TRDN: variants seen among roughly 807,000 people sequenced by gnomAD.
TRDN encodes triadin in skeletal muscle.
Under a neutral mutation model 149.7 loss-of-function variants are expected in TRDN, and 161 were observed. That is an observed-to-expected ratio of 1.08 (90% CI 0.95 to 1.23). The LOEUF (loss-of-function observed/expected upper bound fraction) is 1.23. TRDN is among the 50% of genes most tolerant of loss of function. The probability of loss-of-function intolerance (pLI) is 0.00; values close to 1 mark genes in which losing one functional copy is unlikely to be tolerated. For synonymous variants in TRDN, 294 were observed against 250.5 expected, an observed-to-expected ratio of 1.17 and a Z score of -1.64; for missense variants, 896 against 823.5, an observed-to-expected ratio of 1.09 and a Z score of -1.08.
intron 1 of TRDN, among the ~76,000 whole-genome samples, chr6:123,594,189 A>C (rs1207493706): frequency 6.6e-6 from 1 of 152,206 alleles, no homozygotes; most frequent in Non-Finnish European, 1.5e-5. Context: ...ATTTGACCAG[A>C]AATTAAATGC....
intron 38 of TRDN, among the ~76,000 whole-genome samples, chr6:123,242,557 T>C (rs1196884820): frequency 1.3e-5 from 2 of 152,076 alleles, no homozygotes; most frequent in Non-Finnish European, 2.9e-5. Flanking sequence ...ATTCAGCTAA[T>C]ACGAGCCTCT....
At chr6:123,582,521 G>C (rs1783179550) in intron 1 of TRDN, among the ~76,000 whole-genome samples, 2 of 142,622 alleles carry the variant, frequency 1.4e-5, no homozygotes, top group African/African-American at 2.6e-5. Context: ...GCAGGCAGGA[G>C]TGGGGGGCAC....
At chr6:123,576,835 T>C (rs1447207113) in intron 1 of TRDN, among the ~76,000 whole-genome samples, 1 of 152,018 alleles carries the variant, frequency 6.6e-6, no homozygotes, top group East Asian at 1.9e-4. Context: ...GAACAGTGGA[T>C]TGAGTGAAAT....
At chr6:123,564,422 G>A (rs1473749818) in intron 2 of TRDN, among the ~76,000 whole-genome samples, 2 of 152,312 alleles carry the variant, frequency 1.3e-5, no homozygotes, top group East Asian at 1.9e-4. Flanking sequence ...GTATATGAGT[G>A]TAAAATTAAA....
intron 24 of TRDN, among the ~76,000 whole-genome samples, chr6:123,298,471 C>G (rs906439577): frequency 6.6e-6 from 1 of 152,022 alleles, no homozygotes; most frequent in Non-Finnish European, 1.5e-5. Flanking sequence ...TTTGTACTCT[C>G]AACATCTTAT....
chr6:123,585,236 A>G (rs548132837), intron 1 of TRDN, among the ~76,000 whole-genome samples: 1 of 151,658 alleles, frequency 6.6e-6, no homozygotes, highest in African/African-American at 2.4e-5. Context: ...TAGTCAGGGA[A>G]GCAGATAATT....
intron 3 of TRDN, among the ~76,000 whole-genome samples, chr6:123,548,127 T>G (rs1781209075): frequency 6.6e-6 from 1 of 151,600 alleles, no homozygotes. Flanking sequence ...AATAACTATT[T>G]TTTCCAAAGA....
At chr6:123,549,633 T>C (rs1781287816) in intron 2 of TRDN, among the ~76,000 whole-genome samples, 1 of 152,030 alleles carries the variant, frequency 6.6e-6, no homozygotes, top group Non-Finnish European at 1.5e-5. Flanking sequence ...ATTGGAAGAT[T>C]TGAGCAGAAA....
chr6:123,616,531 T>G (rs1270842145), intron 1 of TRDN, among the ~76,000 whole-genome samples: 1 of 152,204 alleles, frequency 6.6e-6, no homozygotes, highest in African/African-American at 2.4e-5. Context: ...TACTTCATAT[T>G]TATTCATATG....
At chr6:123,364,112 G>A (rs1780998793) in intron 20 of TRDN, among the ~76,000 whole-genome samples, 1 of 152,168 alleles carries the variant, frequency 6.6e-6, no homozygotes, top group African/African-American at 2.4e-5. Flanking sequence ...CTTTGCTGAA[G>A]TTTCTCTGAG....
At chr6:123,240,488 A>T (rs1374868659) in intron 38 of TRDN, among the ~76,000 whole-genome samples, 6 of 151,990 alleles carry the variant, frequency 3.9e-5, no homozygotes, top group Admixed American at 2.6e-4. Context: ...AGCCATAAAT[A>T]ACAGTTATAT....
chr6:123,578,250 T>A (rs116333525), intron 1 of TRDN, among the ~76,000 whole-genome samples: 3 of 152,082 alleles, frequency 2.0e-5, no homozygotes, highest in Non-Finnish European at 2.9e-5. Context: ...GTTTTCCAGA[T>A]TTTTTGTAGT....
chr6:123,455,492 A>C (rs1005919704), intron 10 of TRDN, among the ~76,000 whole-genome samples: 1 of 151,638 alleles, frequency 6.6e-6, no homozygotes, highest in Non-Finnish European at 1.5e-5. Flanking sequence ...AGACGGGAGA[A>C]GGAAAAGGAG....
rs537378156 is a variant in TRDN at position 123,559,281 on chromosome 6, T to C, written c.233-10669A>G. ...CCTCCATAACTGTTGTGGGTATTGA[T>C]GGCCAGGCTTCTAAACCTCTTAAAA... On this transcript the variant is annotated intron_variant, in intron 2 of 40. Coordinates refer to ENST00000334268, the MANE Select transcript of TRDN (RefSeq NM_006073.4). Among the ~76,000 whole-genome samples the C allele has an allele frequency of 3.5e-3, 531 of 152,288 alleles. 5 individuals carry two copies. Among genetic ancestry groups the C allele is most frequent in the African/African-American group, 0.011 (458 of 41,558 alleles).
intron 1 of TRDN, among the ~76,000 whole-genome samples, chr6:123,591,924 G>A (rs1255126179): frequency 6.6e-6 from 1 of 152,084 alleles, no homozygotes; most frequent in South Asian, 2.1e-4. Context: ...TTTAGAAACA[G>A]GCCGATAAAG....
chr6:123,256,048 T>C (rs1368439094), intron 35 of TRDN, 146 bp from the exon 36 acceptor site: 3 of 346,058 alleles, frequency 8.7e-6, no homozygotes, highest in African/African-American at 6.5e-5. Flanking sequence ...CGTCAACCCA[T>C]CATCTACATT....
intron 12 of TRDN, among the ~76,000 whole-genome samples, chr6:123,431,301 C>T (rs1026602059): frequency 6.6e-6 from 1 of 152,092 alleles, no homozygotes; most frequent in Non-Finnish European, 1.5e-5. Context: ...CTAGATTTTC[C>T]ATTTTTTACT....
chr6:123,577,827 T>C (rs912896909), intron 1 of TRDN, among the ~76,000 whole-genome samples: 2 of 152,196 alleles, frequency 1.3e-5, no homozygotes. Flanking sequence ...ATGATAGCCA[T>C]TCTGACTGGT....
intron 12 of TRDN, among the ~76,000 whole-genome samples, chr6:123,395,277 T>C (rs1772674464): frequency 6.6e-6 from 1 of 152,134 alleles, no homozygotes; most frequent in Non-Finnish European, 1.5e-5. Context: ...AAGATTCTAT[T>C]AGAGCACGGA....
Sources: gnomAD v4.1 joint callset for allele counts (sites outside exome capture counted in the v4.1 genomes callset) on GRCh38, gnomAD v4.1.1 for gene constraint, MANE v1.5 for transcripts, NCBI Gene and HGNC (gene_info 2026-07-23, HGNC 2026-07-21) for gene names.